TRIOBP: variants seen among roughly 807,000 people sequenced by gnomAD.
TRIOBP encodes TRIO and F-actin-binding protein.
TRIOBP carries 169 observed loss-of-function variants against 238.8 expected under a neutral mutation model. The observed-to-expected ratio is 0.71, with a 90% CI of 0.62 to 0.80. TRIOBP has a LOEUF of 0.80. Ranked by LOEUF, TRIOBP falls within the 30% of genes least tolerant of loss-of-function variation. TRIOBP has a pLI of 0.00. For synonymous variants in TRIOBP, 1,150 were observed against 1,274.4 expected, an observed-to-expected ratio of 0.90 and a Z score of 2.08; for missense variants, 2,838 against 3,122.6, an observed-to-expected ratio of 0.91 and a Z score of 2.17.
intron 7 of TRIOBP, among the ~76,000 whole-genome samples, chr22:37,730,881 A>G (rs1924387246): frequency 7.0e-6 from 1 of 143,446 alleles, no homozygotes; most frequent in African/African-American, 2.6e-5. Context: ...CAGAAGGCGG[A>G]GGTTGCAGTG....
chr22:37,697,567 C>G (rs1922414638), intron 1 of TRIOBP, 21 bp from the exon 2 acceptor site: 1 of 152,308 alleles, frequency 6.6e-6, no homozygotes, highest in South Asian at 2.1e-4. Flanking sequence ...GCTGTCGCCC[C>G]CACCGCATTC....
At chr22:37,721,902 A>T (rs1923848268) in intron 6 of TRIOBP, among the ~76,000 whole-genome samples, 1 of 152,196 alleles carries the variant, frequency 6.6e-6, no homozygotes, top group Admixed American at 6.5e-5. Flanking sequence ...AGCGGGGTGG[A>T]GGGTGACACA....
intron 10 of TRIOBP, among the ~76,000 whole-genome samples, chr22:37,740,199 A>C (rs1924868548): frequency 6.6e-6 from 1 of 152,244 alleles, no homozygotes; most frequent in African/African-American, 2.4e-5. Context: ...TGCAGATTCC[A>C]GAGCGAGGAC....
At chr22:37,770,048 T>A (rs974846346) in intron 21 of TRIOBP, among the ~76,000 whole-genome samples, 1 of 144,002 alleles carries the variant, frequency 6.9e-6, no homozygotes, top group Non-Finnish European at 1.5e-5. Flanking sequence ...TTTCTTTACT[T>A]TTTTTTTTTT....
At chr22:37,749,712 C>T (rs1170278836) in intron 11 of TRIOBP, among the ~76,000 whole-genome samples, 2 of 145,022 alleles carry the variant, frequency 1.4e-5, no homozygotes, top group African/African-American at 5.2e-5. Context: ...TTTTGGAGGC[C>T]GAGGTGAGCG....
chr22:37,746,296 G>T lies in TRIOBP; in HGVS notation c.5322+5264G>T, dbSNP rs762586713. ...GGAAAGGAAGGGCCGGAGGCGCGGC[G>T]GCGGGCGGCCGAGAGGGGCGGCGGC... On this transcript the variant is annotated intron_variant, in intron 11 of 23. Coordinates refer to ENST00000644935, the MANE Select transcript of TRIOBP (RefSeq NM_001039141.3). 2.9e-4 allele frequency: 321 copies of T among 1,098,970 alleles called. 6 individuals are homozygous for T. The East Asian group carries it at 0.015, about 52-fold the overall frequency. 68.1% of individuals were successfully genotyped at this position (1,098,970 alleles called of 1,614,324 possible). A position where few individuals can be genotyped will look rare whatever the true frequency, so the allele number is the denominator to read the frequency against.
At position 37,726,186 on chromosome 22, in the gene TRIOBP, A is replaced by G. The variant is rs1924148362; in HGVS notation, c.3630A>G (p.Pro1210=). ...CCACTGACTCTCTGCATGGCTCCCC[A>G]GTGCTGATCCCCCAAGTGTGCATCG... ...APSTDSLHGS[P]VLIPQVCIGH... is the part of the protein sequence containing the mutation. Residue 1210 remains proline, a synonymous_variant, in exon 7 of 24, where the codon CCA becomes CCG. Transcript: ENST00000644935. 1 of 1,560,424 alleles carries G rather than the reference A, an allele frequency of 6.4e-7. No individual in the cohort carries two copies. The highest frequency in any genetic ancestry group is 1.2e-5 in the South Asian group (1 of 85,638).
chr22:37,746,455 C>T (rs768321606), intron 11 of TRIOBP: 5 of 1,418,552 alleles, frequency 3.5e-6, no homozygotes, highest in African/African-American at 1.5e-5. Flanking sequence ...CGCCCGAGGC[C>T]GGGAGAAGGG....
chr22:37,702,626 C>T (rs1028840624), intron 3 of TRIOBP, among the ~76,000 whole-genome samples: 1 of 141,808 alleles, frequency 7.1e-6, no homozygotes, highest in Non-Finnish European at 1.5e-5. Context: ...GATTTTCTTT[C>T]TCTCTCTCTT....
Position 37,758,033 on chromosome 22 carries a change from G to A in TRIOBP, c.6108G>A (p.Leu2036=). The change falls in exon 16 of 24, where the codon CTG becomes CTA. Residue 2036 remains leucine (L), a synonymous_variant. Coordinates refer to ENST00000644935, the MANE Select transcript of TRIOBP (RefSeq NM_001039141.3). ...AGAAGTGGCAGGAGCTGGAGAAGCTGCCCCTGCGGGAGAATAAGCGGGTGC... is the reference window on the plus strand; with the variant it reads ...AGAAGTGGCAGGAGCTGGAGAAGCTACCCCTGCGGGAGAATAAGCGGGTGC... ...IEKKWQELEK[L]PLRENKRVPL... is the part of the protein sequence containing the mutation. The A allele has an allele frequency of 6.2e-7, 1 of 1,611,552 alleles. No individual in the cohort carries two copies. The highest frequency in any genetic ancestry group is 8.5e-7 in the Non-Finnish European group (1 of 1,179,492).
intron 14 of TRIOBP, 168 bp downstream of exon 14, chr22:37,755,358 C>A: frequency 1.1e-6 from 1 of 917,060 alleles, no homozygotes; most frequent in Non-Finnish European, 1.7e-6. Flanking sequence ...CTTAGCATAT[C>A]TGGGGGAGAC....
At position 37,755,533 on chromosome 22, in the gene TRIOBP, A is replaced by G; in HGVS notation, c.5578-17A>G. 4.3e-6 allele frequency: 7 copies of G among 1,611,042 alleles called. No individual in the cohort carries two copies. The highest frequency in any genetic ancestry group is 5.9e-6 in the Non-Finnish European group (7 of 1,177,452). On this transcript the variant is annotated splice_polypyrimidine_tract_variant and intron_variant, in intron 14 of 23. Coordinates refer to ENST00000644935, the MANE Select transcript of TRIOBP (RefSeq NM_001039141.3). ...CGGCTGGCCATGTGGCAACCTACCC[A>G]TGCGGTGGCCTTGCAGACCAAGGAT...
At chr22:37,744,838 C>T (rs1224486112) in intron 11 of TRIOBP, among the ~76,000 whole-genome samples, 2 of 152,072 alleles carry the variant, frequency 1.3e-5, no homozygotes, top group Non-Finnish European at 2.9e-5. Flanking sequence ...ATTTCTTTAT[C>T]TGCAAAATGG....
chr22:37,751,339 G>C, intron 11 of TRIOBP: 1 of 334,526 alleles, frequency 3.0e-6, no homozygotes, highest in South Asian at 2.4e-5. Context: ...GCCCATGGGA[G>C]GGTCCGTGGG....
At chr22:37,737,660 C>CAAGA (rs1924738170) in intron 9 of TRIOBP, among the ~76,000 whole-genome samples, 1 of 92,952 alleles carries the variant, frequency 1.1e-5, no homozygotes, top group Admixed American at 1.2e-4. Context: ...GACTCCATCT[C>CAAGA]AAAAAAAAAA....
rs1272971326 is a variant in TRIOBP at position 37,769,437 on chromosome 22, C to T, written c.6849+62C>T. On this transcript the variant is annotated intron_variant, in intron 21 of 23. Coordinates refer to ENST00000644935, the MANE Select transcript of TRIOBP (RefSeq NM_001039141.3). ...TCTCGGGGCCCGGGGCTATGGGGCA[C>T]CCCCGCCATAGGCTGGGTATCACCT... 4.8e-6 allele frequency: 7 copies of T among 1,457,158 alleles called. No homozygotes were observed. In the Admixed American group the frequency reaches 1.4e-4, roughly 29 times the overall value. The allele number at this position is 1,457,158 out of a possible 1,614,324, so 90.3% of individuals were successfully genotyped here. A position where few individuals can be genotyped will look rare whatever the true frequency, so the allele number is the denominator to read the frequency against.
chr22:37,719,962 C>CCACACTGCACTCACTGTTTCACTCAT (rs71324871), intron 6 of TRIOBP, among the ~76,000 whole-genome samples: 1,924 of 54,728 alleles, frequency 0.035, 486 homozygotes, highest in Non-Finnish European at 0.053. Context: ...ACCTCAGGCC[C>CCACACTGCACTCACTGTTTCACTCAT]CACACTGCAC....
intron 11 of TRIOBP, chr22:37,746,288 G>A (rs1436634598): frequency 9.2e-7 from 1 of 1,090,028 alleles, no homozygotes; most frequent in Non-Finnish European, 1.1e-6. Flanking sequence ...AAGGGCCGGA[G>A]GCGCGGCGGC....
rs140339243 is a variant in TRIOBP at position 37,702,974 on chromosome 22, G to A, written c.114+1495G>A. On this transcript the variant is annotated intron_variant, in intron 3 of 23. Coordinates refer to ENST00000644935, the MANE Select transcript of TRIOBP (RefSeq NM_001039141.3). ...TTTTCTTCTTCAAGTTATTGAAGGA[G>A]TGAAGAAGAATCCTTTTTTTTCTTT... is the stretch of plus-strand genomic sequence containing the variant. 5.7e-3 allele frequency among the ~76,000 whole-genome samples: 869 copies of A among 152,090 alleles called. 6 individuals carry two copies. In the Middle Eastern group the frequency reaches 0.058, roughly 10 times the overall value.
Sources: gnomAD v4.1 joint callset for allele counts (sites outside exome capture counted in the v4.1 genomes callset) on GRCh38, gnomAD v4.1.1 for gene constraint, MANE v1.5 for transcripts, NCBI Gene and HGNC (gene_info 2026-07-23, HGNC 2026-07-21) for gene names.